Variants in SMARCA4 observed in about 807,000 individuals in gnomAD.
SMARCA4 encodes the protein SWI/SNF-related matrix-associated actin-dependent regulator of chromatin subfamily A member 4.
Under a neutral mutation model 193.9 loss-of-function variants are expected in SMARCA4, and 31 were observed. The ratio of observed to expected loss-of-function variants is 0.16; its 90% CI spans 0.12 to 0.22. SMARCA4 has a LOEUF of 0.22. Ranked by LOEUF, SMARCA4 falls within the 10% of genes least tolerant of loss-of-function variation. The pLI is 1.00. For synonymous variants in SMARCA4, 942 were observed against 933.1 expected, an observed-to-expected ratio of 1.01 and a Z score of -0.17; for missense variants, 1,148 against 2,296.0, an observed-to-expected ratio of 0.50 and a Z score of 10.22.
chr19:10,999,547 A>G (rs1358713079), intron 11 of SMARCA4, among the ~76,000 whole-genome samples: 2 of 152,076 alleles, frequency 1.3e-5, no homozygotes, highest in African/African-American at 4.8e-5. Flanking sequence ...GGTCCCAGCT[A>G]CTTGAGAGGC....
rs141090579 is a variant in SMARCA4, at chr19:11,034,430, G to A, written c.3951+230G>A. ...ACCCAGCCTTCTGCATGTGACCCGA[G>A]ACCTGCCCCACCAGCTCTGTTTTCT... On this transcript the variant is annotated intron_variant, in intron 28 of 34. Coordinates refer to ENST00000344626, the MANE Select transcript of SMARCA4 (RefSeq NM_003072.5). The surrounding 1 kb of genome is among the most constrained non-coding windows in gnomAD (Gnocchi z 7.0). Among the ~76,000 whole-genome samples, 260 of 152,264 alleles carry A rather than the reference G, an allele frequency of 1.7e-3. 2 individuals carry two copies. Among genetic ancestry groups the A allele is most frequent in the African/African-American group, 5.6e-3 (234 of 41,572 alleles).
Position 11,027,970 on chromosome 19 carries a change from G to A in SMARCA4, c.3382+20G>A. 6 of 1,613,436 alleles carry A rather than the reference G, an allele frequency of 3.7e-6. No homozygotes were observed. In the South Asian group the frequency reaches 6.6e-5, roughly 18 times the overall value. On this transcript the variant is annotated intron_variant, in intron 24 of 34. Coordinates refer to ENST00000344626, the MANE Select transcript of SMARCA4 (RefSeq NM_003072.5). The stretch of plus-strand genomic sequence containing the variant: ...TTGATGGTGAGTATGAGCCAGTGAG[G>A]CGTTTCTTACAGGGTTTTGTTGTTG...
At chr19:10,965,364 G>C (rs1325334100) in intron 1 of SMARCA4, 1 of 152,232 alleles carries the variant, frequency 6.6e-6, no homozygotes, top group Non-Finnish European at 1.5e-5. Flanking sequence ...TGCTTAGAAT[G>C]GTGCCTGGCA....
chr19:10,975,130 C>T (rs918336358), intron 1 of SMARCA4, among the ~76,000 whole-genome samples: 2 of 142,560 alleles, frequency 1.4e-5, no homozygotes, highest in African/African-American at 5.3e-5. Context: ...GATTATCGTG[C>T]CTCAGCCTCC....
At chr19:10,995,684 C>G (rs2086970776) in intron 9 of SMARCA4, 2 of 368,300 alleles carry the variant, frequency 5.4e-6, no homozygotes, top group Non-Finnish European at 1.1e-5. Context: ...TAGCCCTGGG[C>G]TCCCAGAACA....
At chr19:10,983,871 C>T (rs958179215) in intron 1 of SMARCA4, among the ~76,000 whole-genome samples, 8 of 152,072 alleles carry the variant, frequency 5.3e-5, no homozygotes, top group African/African-American at 1.9e-4. Context: ...CCCCTGAAGG[C>T]CCCTGTGGGG....
chr19:11,030,595 GA>G lies in SMARCA4; in HGVS notation c.3383-134del. ...CCAGTGGCCCACAGGCCCGTGTGGAGAGTGCGGAGCCAGGGATCTGGGGATG... is the reference window on the plus strand; with the variant it reads ...CCAGTGGCCCACAGGCCCGTGTGGAGGTGCGGAGCCAGGGATCTGGGGATG... On this transcript the variant is annotated intron_variant, in intron 24 of 34. Coordinates refer to ENST00000344626, the MANE Select transcript of SMARCA4 (RefSeq NM_003072.5). The surrounding 1 kb of genome is among the most constrained non-coding windows in gnomAD (Gnocchi z 5.5). 2 of 779,668 alleles carry G rather than the reference GA, an allele frequency of 2.6e-6. No homozygotes were observed. The highest frequency in any genetic ancestry group is 5.4e-5 in the East Asian group (2 of 37,174). 48.3% of individuals were successfully genotyped at this position (779,668 alleles called of 1,614,324 possible).
chr19:10,988,647 G>T (rs2086279063), intron 6 of SMARCA4, among the ~76,000 whole-genome samples: 1 of 152,130 alleles, frequency 6.6e-6, no homozygotes, highest in Non-Finnish European at 1.5e-5. Context: ...GATTGCTGGG[G>T]TTCCCTCCTC....
At chr19:11,001,378 C>T (rs2087618618) in intron 11 of SMARCA4, among the ~76,000 whole-genome samples, 1 of 152,058 alleles carries the variant, frequency 6.6e-6, no homozygotes, top group Non-Finnish European at 1.5e-5. Flanking sequence ...CAGAGGTAGG[C>T]GGATCACTTG....
At chr19:10,973,349 G>A (rs141173126) in intron 1 of SMARCA4, among the ~76,000 whole-genome samples, 23 of 152,148 alleles carry the variant, frequency 1.5e-4, no homozygotes, top group Non-Finnish European at 2.6e-4. Context: ...CTCCCCTAAG[G>A]CAGAGAACCG....
rs2089025453 is a variant in SMARCA4 at position 11,013,199 on chromosome 19, A to G, written c.2438+87A>G. 4.9e-6 allele frequency: 7 copies of G among 1,438,158 alleles called. No homozygotes were observed. In the East Asian group the frequency reaches 9.6e-5, roughly 20 times the overall value. 89.1% of individuals were successfully genotyped at this position (1,438,158 alleles called of 1,614,324 possible). A position where few individuals can be genotyped will look rare whatever the true frequency, so the allele number is the denominator to read the frequency against. On this transcript the variant is annotated intron_variant, in intron 16 of 34. Transcript: ENST00000344626. ...AAGTTTGCCGCAGTAGAATACCACA[A>G]ACGAGGTGGCTTAATTACAGAAATT...
At chr19:11,061,058 C>T (rs968228412) in intron 34 of SMARCA4, among the ~76,000 whole-genome samples, 14 of 151,758 alleles carry the variant, frequency 9.2e-5, no homozygotes, top group African/African-American at 3.4e-4. Flanking sequence ...TCCAGTGGCT[C>T]ACACCTGTAA....
In SMARCA4 at chr19:11,041,841, CT is replaced by C. The variant is rs1446594524; in HGVS notation, c.4424+283del. 1.3e-5 allele frequency among the ~76,000 whole-genome samples: 2 copies of C among 152,132 alleles called. No homozygotes were observed. The highest frequency in any genetic ancestry group is 2.9e-5 in the Non-Finnish European group (2 of 68,024). On this transcript the variant is annotated intron_variant, in intron 30 of 34. Coordinates refer to ENST00000344626, the MANE Select transcript of SMARCA4 (RefSeq NM_003072.5). The surrounding 1 kb of genome is among the most constrained non-coding windows in gnomAD (Gnocchi z 5.6). ...GGAGAAGGGGACATTGCAGCAGAGC[CT>C]TGAGAGAGGGGAGGTTGGGGAGAGT...
intron 11 of SMARCA4, among the ~76,000 whole-genome samples, chr19:10,998,572 CG>C (rs2087310793): frequency 6.7e-6 from 1 of 148,420 alleles, no homozygotes; most frequent in Non-Finnish European, 1.5e-5. Context: ...TTATTTCCAT[CG>C]TTCTTTCTGC....
At chr19:11,015,269 A>G (rs984663897) in intron 16 of SMARCA4, among the ~76,000 whole-genome samples, 2 of 152,204 alleles carry the variant, frequency 1.3e-5, no homozygotes, top group South Asian at 2.1e-4. Flanking sequence ...TTATTTACCA[A>G]TCTTGTCAGT....
chr19:11,050,119 G>C (rs775987866), intron 30 of SMARCA4, among the ~76,000 whole-genome samples: 7 of 152,336 alleles, frequency 4.6e-5, no homozygotes, highest in Non-Finnish European at 8.8e-5. Flanking sequence ...TGTGCTAGAC[G>C]GTGGTGTTGA....
intron 24 of SMARCA4, among the ~76,000 whole-genome samples, chr19:11,028,897 T>G (rs2090448907): frequency 6.6e-6 from 1 of 152,110 alleles, no homozygotes; most frequent in Admixed American, 6.5e-5. Context: ...TCCCAGAGCC[T>G]TTGTTGAAGC....
At chr19:11,035,557 G>A (rs1215466790) in intron 29 of SMARCA4, among the ~76,000 whole-genome samples, 1 of 152,204 alleles carries the variant, frequency 6.6e-6, no homozygotes, top group Non-Finnish European at 1.5e-5. Flanking sequence ...CCTCACTTTG[G>A]GCAAGTCCCC....
chr19:11,016,256 A>G (rs2089350515), intron 16 of SMARCA4, among the ~76,000 whole-genome samples: 1 of 152,058 alleles, frequency 6.6e-6, no homozygotes, highest in Admixed American at 6.5e-5. Flanking sequence ...CAGGCCGTTC[A>G]CGAGGGTTCA....
Sources: gnomAD v4.1 joint callset for allele counts (sites outside exome capture counted in the v4.1 genomes callset) on GRCh38, gnomAD v4.1.1 for gene constraint, Gnocchi (gnomAD v3.1) non-coding constraint, MANE v1.5 for transcripts, NCBI Gene and HGNC (gene_info 2026-07-23, HGNC 2026-07-21) for gene names.